TRHDE: variants seen among roughly 807,000 people sequenced by gnomAD.
The protein encoded by TRHDE is thyrotropin-releasing hormone-degrading ectoenzyme.
TRHDE carries 72 observed loss-of-function variants against 125.7 expected under a neutral mutation model. The ratio of observed to expected loss-of-function variants is 0.57; its 90% confidence interval spans 0.47 to 0.70. The LOEUF (loss-of-function observed/expected upper bound fraction) is 0.70, where lower values mean the gene tolerates loss of function less well. Ranked by LOEUF, TRHDE falls within the 30% of genes least tolerant of loss-of-function variation. The probability of loss-of-function intolerance (pLI) is 0.00; values close to 1 mark genes in which losing one functional copy is unlikely to be tolerated. For synonymous variants in TRHDE, 509 were observed against 509.1 expected, an observed-to-expected ratio of 1.00 and a Z score of 0.00; for missense variants, 1,110 against 1,327.1, an observed-to-expected ratio of 0.84 and a Z score of 2.54.
At chr12:72,155,301 T>G (rs1383435007) in intron 2 of TRHDE, among the ~76,000 whole-genome samples, 4 of 152,182 alleles carry the variant, frequency 2.6e-5, no homozygotes, top group African/African-American at 9.7e-5. Context: ...TCATCTAATT[T>G]TTTTTCAAGG....
chr12:72,197,538 A>T (rs1877469175), intron 2 of TRHDE, among the ~76,000 whole-genome samples: 2 of 152,126 alleles, frequency 1.3e-5, no homozygotes, highest in Non-Finnish European at 2.9e-5. Flanking sequence ...CTTTTGCTTA[A>T]AACTTTTAAA....
intron 6 of TRHDE, among the ~76,000 whole-genome samples, chr12:72,515,501 T>C (rs1878805900): frequency 6.6e-6 from 1 of 152,210 alleles, no homozygotes. Flanking sequence ...TTGTTTTTTT[T>C]GTAAATTTGT....
intron 3 of TRHDE, among the ~76,000 whole-genome samples, chr12:72,417,143 C>T (rs1252432392): frequency 6.6e-6 from 1 of 151,854 alleles, no homozygotes; most frequent in Non-Finnish European, 1.5e-5. Context: ...AATGAGATTA[C>T]TTTCTTGGTT....
chr12:72,225,464 C>T (rs927201818), intron 2 of TRHDE, among the ~76,000 whole-genome samples: 3 of 152,122 alleles, frequency 2.0e-5, no homozygotes, highest in South Asian at 2.1e-4. Context: ...AGTGGAAAGA[C>T]AGAAGAAAGC....
intron 18 of TRHDE, among the ~76,000 whole-genome samples, chr12:72,659,228 A>AGTCTCAGGT (rs1874823205): frequency 6.6e-6 from 1 of 152,202 alleles, no homozygotes; most frequent in African/African-American, 2.4e-5. Flanking sequence ...TAGTACCTGA[A>AGTCTCAGGT]ACTGGAGTTT....
At chr12:72,478,866 CCTGACA>C (rs1877018644) in intron 5 of TRHDE, among the ~76,000 whole-genome samples, 1 of 148,824 alleles carries the variant, frequency 6.7e-6, no homozygotes, top group Admixed American at 6.7e-5. Flanking sequence ...GTTAAGCAGG[CCTGACA>C]CTGGAATCTA....
At chr12:72,315,359 G>A (rs994651687) in intron 2 of TRHDE, among the ~76,000 whole-genome samples, 5 of 149,758 alleles carry the variant, frequency 3.3e-5, no homozygotes, top group Middle Eastern at 3.4e-3. Context: ...CCTCAAGGTG[G>A]CAATATTTTA....
chr12:72,094,923 G>T lies in TRHDE; in HGVS notation n.174+7484G>T, dbSNP rs189385444. 2.9e-3 allele frequency among the ~76,000 whole-genome samples: 436 copies of T among 152,304 alleles called. 4 individuals carry two copies. Among genetic ancestry groups the T allele is most frequent in the African/African-American group, 0.01 (424 of 41,574 alleles). On this transcript the variant is annotated intron_variant and non_coding_transcript_variant, in intron 1 of 4. Transcript: ENST00000548156. ...CAACACGAAGGTACTTTTGTTCATG[G>T]ATGGCTGTGAAACTGTTATTGCTGT...
chr12:72,304,328 G>T (rs188668479), intron 2 of TRHDE, among the ~76,000 whole-genome samples: 2 of 152,224 alleles, frequency 1.3e-5, no homozygotes, highest in Admixed American at 1.3e-4. Context: ...TGTAAATGAG[G>T]AAAGGAAATA....
intron 3 of TRHDE, among the ~76,000 whole-genome samples, chr12:72,415,365 A>AT (rs896376574): frequency 8.0e-4 from 122 of 151,996 alleles, no homozygotes; most frequent in African/African-American, 2.3e-3. Flanking sequence ...AACATTTATC[A>AT]TTTTTTTTGT....
At chr12:72,596,362 C>G (rs1014574428) in intron 12 of TRHDE, among the ~76,000 whole-genome samples, 1 of 152,050 alleles carries the variant, frequency 6.6e-6, no homozygotes, top group Non-Finnish European at 1.5e-5. Context: ...ACATGTAGTT[C>G]ACTCATTCAT....
At chr12:72,207,856 C>A (rs969211607) in intron 2 of TRHDE, among the ~76,000 whole-genome samples, 4 of 152,116 alleles carry the variant, frequency 2.6e-5, no homozygotes, top group African/African-American at 9.7e-5. Flanking sequence ...TTTTAAATCT[C>A]CCCTGTTTAT....
chr12:72,459,940 A>G lies in TRHDE; in HGVS notation c.1316-9818A>G, dbSNP rs73344472. ...GCTGGTATCATCAATTTTTTGTGCC[A>G]GTTCCCAGAGCCCTAATTCCCAAGA... On this transcript the variant is annotated intron_variant, in intron 3 of 18. Transcript: ENST00000261180. Among the ~76,000 whole-genome samples, 497 of 152,240 alleles carry G rather than the reference A, an allele frequency of 3.3e-3. 3 individuals are homozygous for G. The highest frequency in any genetic ancestry group is 0.012 in the African/African-American group (480 of 41,542).
intron 6 of TRHDE, among the ~76,000 whole-genome samples, chr12:72,524,061 A>T (rs773969177): frequency 1.8e-4 from 28 of 152,204 alleles, no homozygotes; most frequent in Admixed American, 9.8e-4. Flanking sequence ...TGTGCACAGC[A>T]TCCACACTGA....
At position 72,200,377 on chromosome 12, in the gene TRHDE, A is replaced by G. The variant is rs561272406; in HGVS notation, n.279+94625A>G. ...AGTTTATTTAAGGAACGTGAAGTCTATCATAAGAGGGCTCCATTTAGTAAG... is the reference window on the plus strand; with the variant it reads ...AGTTTATTTAAGGAACGTGAAGTCTGTCATAAGAGGGCTCCATTTAGTAAG... On this transcript the variant is annotated intron_variant and non_coding_transcript_variant, in intron 2 of 4. Coordinates refer to the TRHDE transcript ENST00000548156. Among the ~76,000 whole-genome samples, 10 of 152,344 alleles carry G rather than the reference A, an allele frequency of 6.6e-5. No individual in the cohort carries two copies. In the East Asian group the frequency reaches 1.9e-3, roughly 29 times the overall value.
chr12:72,120,667 T>G (rs1875556871), intron 2 of TRHDE, among the ~76,000 whole-genome samples: 1 of 148,502 alleles, frequency 6.7e-6, no homozygotes, highest in Non-Finnish European at 1.5e-5. Context: ...ATCCTCCTAC[T>G]CTTTAACTTT....
At chr12:72,555,541 T>C (rs542142358) in intron 7 of TRHDE, among the ~76,000 whole-genome samples, 96 of 152,326 alleles carry the variant, frequency 6.3e-4, no homozygotes, top group African/African-American at 2.3e-3. Flanking sequence ...TATTTTTTAA[T>C]CTTTGCATAA....
intron 2 of TRHDE, among the ~76,000 whole-genome samples, chr12:72,218,442 GT>G (rs1292552640): frequency 1.3e-5 from 2 of 151,738 alleles, no homozygotes; most frequent in Non-Finnish European, 2.9e-5. Context: ...TCATGATGCT[GT>G]TTTTTTTCTC....
At chr12:72,619,756 C>CTATT (rs1321445362) in intron 13 of TRHDE, among the ~76,000 whole-genome samples, 2 of 152,080 alleles carry the variant, frequency 1.3e-5, no homozygotes, top group African/African-American at 4.8e-5. Context: ...TGTTTGAACA[C>CTATT]TATTTGTTTT....
Sources: allele counts gnomAD v4.1 joint callset (sites outside exome capture counted in the v4.1 genomes callset), GRCh38; gene constraint gnomAD v4.1.1; transcripts MANE v1.5; gene names NCBI Gene and HGNC (gene_info 2026-07-23, HGNC 2026-07-21).